FAM107B: variants seen among roughly 807,000 people sequenced by gnomAD.
The protein encoded by FAM107B is protein FAM107B.
In FAM107B, 21 loss-of-function variants were observed where a neutral mutation model predicts 31.5. The observed-to-expected ratio is 0.67, with a 90% CI of 0.47 to 0.96. FAM107B has a LOEUF of 0.96. Ranked by LOEUF, FAM107B falls within the 40% of genes least tolerant of loss-of-function variation. The pLI, the probability that FAM107B is intolerant of heterozygous loss-of-function variation, is 0.00. For missense variants in FAM107B, 452 were observed against 377.1 expected (o/e 1.20, Z -1.64); for synonymous variants, 157 against 141.5 (o/e 1.11, Z -0.78).
intron 1 of FAM107B, among the ~76,000 whole-genome samples, chr10:14,683,625 A>T (rs1854901287): frequency 6.6e-6 from 1 of 152,234 alleles, no homozygotes; most frequent in Non-Finnish European, 1.5e-5. Flanking sequence ...GGTTGTCTAT[A>T]CTGATGAGCT....
intron 2 of FAM107B, among the ~76,000 whole-genome samples, chr10:14,546,591 T>C (rs183015689): frequency 6.6e-6 from 1 of 152,364 alleles, no homozygotes; most frequent in Admixed American, 6.5e-5. Flanking sequence ...CTGCCTTTTT[T>C]AAAATTTGCA....
chr10:14,540,644 C>T (rs895955932), intron 2 of FAM107B, among the ~76,000 whole-genome samples: 12 of 152,216 alleles, frequency 7.9e-5, no homozygotes, highest in Admixed American at 7.8e-4. Flanking sequence ...CCTCTTCTCT[C>T]GATCATGCCT....
chr10:14,663,602 A>G (rs1854312141), intron 2 of FAM107B: 1 of 152,188 alleles, frequency 6.6e-6, no homozygotes, highest in African/African-American at 2.4e-5. Flanking sequence ...GTTCTTATAA[A>G]TGGGCTAATG....
intron 2 of FAM107B, among the ~76,000 whole-genome samples, chr10:14,551,317 G>A (rs2131070772): frequency 6.6e-6 from 1 of 152,190 alleles, no homozygotes; most frequent in African/African-American, 2.4e-5. Context: ...CCTAATTTTT[G>A]TATTTTCAGT....
chr10:14,558,083 C>G (rs143407056), intron 2 of FAM107B, among the ~76,000 whole-genome samples: 211 of 152,358 alleles, frequency 1.4e-3, no homozygotes, highest in East Asian at 0.011. Context: ...CCTCCCTGTT[C>G]CTCAGTTTCC....
chr10:14,590,973 GAGCAAAACTCCAT>G (rs11275505), intron 2 of FAM107B, among the ~76,000 whole-genome samples: 18,757 of 108,502 alleles, frequency 0.17, 1,373 homozygotes, highest in Middle Eastern at 0.35. Context: ...TGGGCAACAA[GAGCAAAACTCCAT>G]CTCAAAAAAA....
At chr10:14,722,658 T>A (rs1174853471) in intron 1 of FAM107B, among the ~76,000 whole-genome samples, 1 of 152,204 alleles carries the variant, frequency 6.6e-6, no homozygotes. Flanking sequence ...TGCCCATTTT[T>A]AAATTGATCT....
At chr10:14,666,591 G>T (rs1278063481) in intron 2 of FAM107B, among the ~76,000 whole-genome samples, 1 of 152,180 alleles carries the variant, frequency 6.6e-6, no homozygotes, top group Non-Finnish European at 1.5e-5. Flanking sequence ...ATGTGTAATG[G>T]GATGAAGAGT....
In FAM107B at chr10:14,530,382, G is replaced by A; in HGVS notation, c.603C>T (p.Thr201=). Residue 201 remains threonine, a synonymous_variant, in exon 3 of 5, where the codon ACC becomes ACT. Transcript: ENST00000181796. ...RPQKLINPVK[T]SRNHQDLHRE... is the part of the protein sequence containing the mutation. ...TGTGAAGATCTTGATGGTTCCGGGA[G>A]GTTTTTACAGGATTGATCAGTTTCT... The A allele has an allele frequency of 6.2e-7, 1 of 1,612,826 alleles. No homozygotes were observed. The highest frequency in any genetic ancestry group is 8.5e-7 in the Non-Finnish European group (1 of 1,179,552).
chr10:14,567,279 C>T (rs573738461), intron 2 of FAM107B, among the ~76,000 whole-genome samples: 2 of 152,210 alleles, frequency 1.3e-5, no homozygotes, highest in South Asian at 4.1e-4. Context: ...GAGAAAAGTA[C>T]AGGCCCAAGA....
At chr10:14,679,718 G>C (rs145911472) in intron 1 of FAM107B, among the ~76,000 whole-genome samples, 5,141 of 152,266 alleles carry the variant, frequency 0.034, 284 homozygotes, top group African/African-American at 0.12. Flanking sequence ...CCCGGGGTGT[G>C]TCTGTGAGGG....
intron 2 of FAM107B, among the ~76,000 whole-genome samples, chr10:14,606,066 G>C (rs967238363): frequency 1.3e-5 from 2 of 152,046 alleles, no homozygotes; most frequent in Admixed American, 1.3e-4. Flanking sequence ...TCCTCTGCTT[G>C]AAACACTTTA....
chr10:14,567,112 C>T (rs954136998), intron 2 of FAM107B, among the ~76,000 whole-genome samples: 1 of 152,108 alleles, frequency 6.6e-6, no homozygotes, highest in Non-Finnish European at 1.5e-5. Context: ...AAGATCGTGC[C>T]ACTGCACTCC....
chr10:14,741,166 G>T (rs1257577992), intron 1 of FAM107B, among the ~76,000 whole-genome samples: 5 of 152,144 alleles, frequency 3.3e-5, no homozygotes, highest in African/African-American at 1.2e-4. Flanking sequence ...AGGGTTTGGG[G>T]GCAGGAACCT....
chr10:14,760,884 T>C (rs1833028823), intron 1 of FAM107B, among the ~76,000 whole-genome samples: 1 of 151,862 alleles, frequency 6.6e-6, no homozygotes, highest in Non-Finnish European at 1.5e-5. Flanking sequence ...TGGTGGCACA[T>C]GCTTGTAATT....
At chr10:14,570,474 G>C (rs1034412246) in intron 2 of FAM107B, among the ~76,000 whole-genome samples, 8 of 152,116 alleles carry the variant, frequency 5.3e-5, no homozygotes, top group Non-Finnish European at 1.2e-4. Flanking sequence ...GGCCACCCAA[G>C]ACATTCTCTC....
intron 1 of FAM107B, among the ~76,000 whole-genome samples, chr10:14,736,252 T>C (rs1856297146): frequency 6.6e-6 from 1 of 152,158 alleles, no homozygotes; most frequent in South Asian, 2.1e-4. Flanking sequence ...CAGGAAGTCA[T>C]TAGGTCAAAG....
chr10:14,622,915 T>C (rs17258923), intron 2 of FAM107B, among the ~76,000 whole-genome samples: 3,131 of 152,278 alleles, frequency 0.021, 38 homozygotes, highest in Non-Finnish European at 0.033. Context: ...ACACTCCTAA[T>C]GCATTCATTA....
At chr10:14,709,778 G>A (rs1298203551) in intron 1 of FAM107B, among the ~76,000 whole-genome samples, 2 of 152,150 alleles carry the variant, frequency 1.3e-5, no homozygotes, top group Non-Finnish European at 2.9e-5. Context: ...AAAAGACATG[G>A]AGAAACATTA....
Sources: gnomAD v4.1 joint callset for allele counts (sites outside exome capture counted in the v4.1 genomes callset) on GRCh38, gnomAD v4.1.1 for gene constraint, MANE v1.5 for transcripts, NCBI Gene and HGNC (gene_info 2026-07-23, HGNC 2026-07-21) for gene names.